CELF2: variants seen among roughly 807,000 people sequenced by gnomAD.
CELF2 encodes the protein CUGBP Elav-like family member 2.
Under a neutral mutation model 62.6 loss-of-function variants are expected in CELF2, and 8 were observed. The ratio of observed to expected loss-of-function variants is 0.13; its 90% CI spans 0.07 to 0.23. The LOEUF is 0.23. Among genes scored for constraint, CELF2 ranks in the 10% least tolerant of loss-of-function variants. CELF2 has a pLI of 1.00. For synonymous variants in CELF2, 258 were observed against 250.0 expected, an observed-to-expected ratio of 1.03 and a Z score of -0.30; for missense variants, 333 against 671.0, an observed-to-expected ratio of 0.50 and a Z score of 5.56.
chr10:11,127,938 A>G (rs1357387828), intron 1 of CELF2, among the ~76,000 whole-genome samples: 1 of 152,150 alleles, frequency 6.6e-6, no homozygotes, highest in Non-Finnish European at 1.5e-5. Flanking sequence ...TTGGTGTTTT[A>G]GACATGAAGT....
At chr10:10,750,350 T>A in the CELF2 span, among the ~76,000 whole-genome samples, 1 of 152,144 alleles carries the variant, frequency 6.6e-6, no homozygotes, top group African/African-American at 2.4e-5. Flanking sequence ...GTCCTACTAT[T>A]TTTTATAGTT....
chr10:10,893,620 A>G (rs1396109010), intron 1 of CELF2, among the ~76,000 whole-genome samples: 1 of 152,196 alleles, frequency 6.6e-6, no homozygotes, highest in Non-Finnish European at 1.5e-5. Context: ...TAATTGGCTC[A>G]TGGTTCTGCA....
Position 11,314,505 on chromosome 10 carries a change from G to A in CELF2, c.1096+247G>A, listed in dbSNP as rs886507091. ...AGCACAGCGCGTGTGCTCATCCATG[G>A]GGTTCTGTGGCTGGCAGCTCTTTTC... On this transcript the variant is annotated intron_variant, in intron 10 of 12. Transcript: ENST00000633077. This position sits in a 1 kb window ranked among gnomAD's most constrained non-coding sequence, Gnocchi z 5.3. 3.7e-5 allele frequency: 20 copies of A among 541,336 alleles called. No individual in the cohort carries two copies. The African/African-American group carries it at 3.8e-4, about 10-fold the overall frequency. The allele number at this position is 541,336 out of a possible 1,614,324, so 33.5% of individuals were successfully genotyped here.
chr10:10,683,553 C>A, the CELF2 span, among the ~76,000 whole-genome samples: 23 of 152,090 alleles, frequency 1.5e-4, no homozygotes, highest in Non-Finnish European at 1.2e-4. Context: ...CAGACAGGCT[C>A]ATTCTCAAGG....
intron 1 of CELF2, among the ~76,000 whole-genome samples, chr10:11,132,441 A>G (rs2059762689): frequency 6.6e-6 from 1 of 152,232 alleles, no homozygotes; most frequent in South Asian, 2.1e-4. Context: ...AGGCTAAATT[A>G]GCTCAAGAGC....
chr10:10,570,809 A>T, the CELF2 span, among the ~76,000 whole-genome samples: 1 of 152,158 alleles, frequency 6.6e-6, no homozygotes, highest in Admixed American at 6.5e-5. Flanking sequence ...AAGCTTCAGC[A>T]TATGTCTAAA....
intron 1 of CELF2, among the ~76,000 whole-genome samples, chr10:10,818,812 G>A (rs982014981): frequency 3.3e-5 from 5 of 151,970 alleles, no homozygotes; most frequent in East Asian, 1.9e-4. Flanking sequence ...TCCTAACCTC[G>A]AGTAATCTGC....
At chr10:10,742,060 G>T in the CELF2 span, among the ~76,000 whole-genome samples, 1 of 151,802 alleles carries the variant, frequency 6.6e-6, no homozygotes, top group East Asian at 1.9e-4. Context: ...TTATTTTATT[G>T]CTGAAATTAT....
At chr10:10,905,485 G>A (rs1371990731) in intron 1 of CELF2, among the ~76,000 whole-genome samples, 1 of 151,378 alleles carries the variant, frequency 6.6e-6, no homozygotes, top group Non-Finnish European at 1.5e-5. Flanking sequence ...GCTCACGCCC[G>A]TTAATCCCAG....
chr10:11,143,166 G>C (rs145757572), intron 1 of CELF2, among the ~76,000 whole-genome samples: 43 of 152,228 alleles, frequency 2.8e-4, no homozygotes, highest in African/African-American at 9.4e-4. Context: ...GCCTGTAATG[G>C]ACACTTTTCC....
chr10:10,526,040 G>A, the CELF2 span, among the ~76,000 whole-genome samples: 26 of 152,158 alleles, frequency 1.7e-4, no homozygotes, highest in Non-Finnish European at 2.9e-4. Context: ...AGCTCATTGT[G>A]GTTTTAATTT....
At chr10:10,883,654 C>T (rs2061574566) in intron 1 of CELF2, among the ~76,000 whole-genome samples, 1 of 152,070 alleles carries the variant, frequency 6.6e-6, no homozygotes, top group Non-Finnish European at 1.5e-5. Context: ...TGTTGTTGGA[C>T]TCATCTGCTG....
chr10:10,564,670 A>G, the CELF2 span, among the ~76,000 whole-genome samples: 415 of 98,544 alleles, frequency 4.2e-3, 1 homozygote, highest in African/African-American at 4.9e-3. Flanking sequence ...ACACACACAC[A>G]CACGCACACA....
At chr10:11,078,215 A>G (rs1460474378) in intron 1 of CELF2, among the ~76,000 whole-genome samples, 1 of 151,640 alleles carries the variant, frequency 6.6e-6, no homozygotes, top group Non-Finnish European at 1.5e-5. Context: ...CAGTTGCTGT[A>G]TAATTGTTCT....
At chr10:10,705,380 A>AAC in the CELF2 span, among the ~76,000 whole-genome samples, 1,213 of 151,038 alleles carry the variant, frequency 8.0e-3, 17 homozygotes, top group African/African-American at 0.028. Context: ...AAAAAAAAAA[A>AAC]AAACCCTCAG....
chr10:10,867,597 GCTTTA>G (rs1261211898), intron 1 of CELF2, among the ~76,000 whole-genome samples: 3 of 151,990 alleles, frequency 2.0e-5, no homozygotes, highest in Non-Finnish European at 4.4e-5. Flanking sequence ...GCCTCTCCCA[GCTTTA>G]CTTTCTTTCC....
chr10:10,661,221 T>C, the CELF2 span, among the ~76,000 whole-genome samples: 5 of 152,368 alleles, frequency 3.3e-5, no homozygotes, highest in South Asian at 2.1e-4. Flanking sequence ...TTTATCACCA[T>C]GGATTACTCG....
the CELF2 span, among the ~76,000 whole-genome samples, chr10:10,587,969 C>T: frequency 6.6e-6 from 1 of 152,128 alleles, no homozygotes; most frequent in East Asian, 1.9e-4. Flanking sequence ...TGCTCCCCCT[C>T]CGCCCACTCA....
the CELF2 span, among the ~76,000 whole-genome samples, chr10:10,691,577 A>AAG: frequency 2.0e-5 from 3 of 152,044 alleles, no homozygotes; most frequent in Non-Finnish European, 4.4e-5. Context: ...CTGAGGAATC[A>AAG]CCACACTGAC....
Sources: allele counts gnomAD v4.1 joint callset (sites outside exome capture counted in the v4.1 genomes callset), GRCh38; gene constraint gnomAD v4.1.1; non-coding constraint Gnocchi (gnomAD v3.1); transcripts MANE v1.5; gene names NCBI Gene and HGNC (gene_info 2026-07-23, HGNC 2026-07-21).